ACACB: variants seen among roughly 807,000 people sequenced by gnomAD.
ACACB encodes acetyl-CoA carboxylase 2.
In ACACB, 209 loss-of-function variants were observed where a neutral mutation model predicts 278.8. The observed-to-expected ratio is 0.75, with a 90% CI of 0.67 to 0.84. The LOEUF is 0.84. Ranked by LOEUF, ACACB falls within the 40% of genes least tolerant of loss-of-function variation. The pLI is 0.00. For missense variants in ACACB, 2,850 were observed against 3,269.0 expected, an observed-to-expected ratio of 0.87 and a Z score of 3.13; for synonymous variants, 1,174 against 1,285.6, an observed-to-expected ratio of 0.91 and a Z score of 1.86.
chr12:109,138,265 G>A (rs980119027), intron 1 of ACACB, among the ~76,000 whole-genome samples: 10 of 152,152 alleles, frequency 6.6e-5, no homozygotes, highest in Non-Finnish European at 5.9e-5. Flanking sequence ...GGCAGAGTTA[G>A]GGTGATAGAA....
chr12:109,150,539 C>A (rs2043344848), intron 2 of ACACB, among the ~76,000 whole-genome samples: 1 of 152,206 alleles, frequency 6.6e-6, no homozygotes, highest in African/African-American at 2.4e-5. Context: ...GAGGTAAGAA[C>A]AGTTTAGCAA....
chr12:109,219,931 T>C (rs2046112451), intron 24 of ACACB, among the ~76,000 whole-genome samples: 1 of 152,188 alleles, frequency 6.6e-6, no homozygotes, highest in African/African-American at 2.4e-5. Context: ...AATAATATAA[T>C]GTTTTTCAAA....
intron 11 of ACACB, 149 bp from the exon 12 acceptor site, chr12:109,185,430 C>A: frequency 1.2e-6 from 1 of 806,092 alleles, no homozygotes; most frequent in Non-Finnish European, 1.9e-6. Context: ...GCTCTCTGGC[C>A]ACAGTAGAGC....
rs768386735 is a variant in ACACB at position 109,206,812 on chromosome 12, G to A, written c.3016G>A (p.Val1006Ile). 4.6e-5 allele frequency: 75 copies of A among 1,613,972 alleles called. No homozygotes were observed. Among genetic ancestry groups the A allele is most frequent in the Non-Finnish European group, 5.7e-5 (67 of 1,180,022 alleles). Residue 1006 changes from valine (V) to isoleucine (I), a missense_variant, in exon 20 of 53, where the codon GTC becomes ATC. Coordinates refer to ENST00000338432, the MANE Select transcript of ACACB (RefSeq NM_001093.4). ...CAGCGTCCTGGAAAACCTCACCAACGTCATGAGTGGCTTTTGTCTGCCAGA... is the reference window on the plus strand; with the variant it reads ...CAGCGTCCTGGAAAACCTCACCAACATCATGAGTGGCTTTTGTCTGCCAGA... ...FHSVLENLTN[V>I]MSGFCLPEPV... is the part of the protein sequence containing the mutation.
chr12:109,157,281 A>ATTATTATTATTATTG (rs2043573828), intron 2 of ACACB, among the ~76,000 whole-genome samples: 1 of 149,288 alleles, frequency 6.7e-6, no homozygotes, highest in Non-Finnish European at 1.5e-5. Flanking sequence ...TGTTATTATT[A>ATTATTATTATTATTG]TTATTATTAT....
At chr12:109,182,968 A>G (rs184077081) in intron 11 of ACACB, among the ~76,000 whole-genome samples, 5 of 152,302 alleles carry the variant, frequency 3.3e-5, no homozygotes, top group Admixed American at 6.5e-5. Context: ...TTTTGATTTG[A>G]AGAATTTGAT....
chr12:109,253,042 A>C lies in ACACB; in HGVS notation c.5929A>C (p.Asn1977His), dbSNP rs761735425. 40 of 1,612,394 alleles carry C rather than the reference A, an allele frequency of 2.5e-5. No individual in the cohort carries two copies. The highest frequency in any genetic ancestry group is 1.6e-4 in the Middle Eastern group (1 of 6,076). ...KVLGREVYTS[N>H]NQLGGVQIMH... ...CCTGGGAAGAGAGGTCTACACATCCAACAACCAGCTGGGTGGCGTTCAGAT... is the reference window on the plus strand; with the variant it reads ...CCTGGGAAGAGAGGTCTACACATCCCACAACCAGCTGGGTGGCGTTCAGAT... The change falls in exon 43 of 53, where the codon AAC (asparagine) becomes CAC (histidine). Residue 1977 changes from asparagine (N) to histidine (H), a missense_variant. By Grantham distance (68) the Asn-to-His change is moderately conservative (BLOSUM62 1). This residue lies in a region of ACACB where 579 missense variants were observed against 684.6 expected (regional missense o/e 0.85). Transcript: ENST00000338432.
intron 11 of ACACB, 70 bp from the exon 12 acceptor site, chr12:109,185,509 C>G (rs2136245733): frequency 6.4e-7 from 1 of 1,554,980 alleles, no homozygotes; most frequent in Non-Finnish European, 8.8e-7. Flanking sequence ...GCATCTACCA[C>G]TGTGCCTGGT....
chr12:109,124,646 TCTA>T (rs2042633623), intron 1 of ACACB, among the ~76,000 whole-genome samples: 1 of 152,232 alleles, frequency 6.6e-6, no homozygotes, highest in Non-Finnish European at 1.5e-5. Flanking sequence ...ATAGTGATTT[TCTA>T]CTTCCGTCAA....
At chr12:109,263,023 G>C (rs1294066993) in intron 49 of ACACB, 1 of 133,554 alleles carries the variant, frequency 7.5e-6, no homozygotes, top group Non-Finnish European at 1.6e-5. Context: ...ACAAAAGATA[G>C]CAATTGAAGT....
At chr12:109,112,969 G>C (rs1394564648), upstream of ACACB, 1 of 152,194 alleles carries the variant, frequency 6.6e-6, no homozygotes, top group Non-Finnish European at 1.5e-5. Flanking sequence ...ACAGGAACGG[G>C]CGAGGCTGTG....
rs763290011 is a variant in ACACB, at chr12:109,239,915, C to A, written c.4748C>A (p.Thr1583Asn). 1.4e-5 allele frequency: 23 copies of A among 1,614,104 alleles called. No homozygotes were observed. The highest frequency in any genetic ancestry group is 1.8e-5 in the Non-Finnish European group (21 of 1,180,044). ...GAGCTGGAGGTGGCGTTCAATAACA[C>A]CAGCGTGCGCACCGACTGCAACCAC... Reference protein sequence around the residue: ...MDELEVAFNNTSVRTDCNHIF... With the variant: ...MDELEVAFNNNSVRTDCNHIF... The change falls in exon 35 of 53, where the codon ACC becomes AAC. Residue 1583 changes from threonine (T) to asparagine (N), a missense_variant. Around this residue, in one of 3 missense-constraint regions of ACACB, gnomAD observed 2,265 missense variants for 2,561.3 expected, o/e 0.88. Coordinates refer to ENST00000338432, the MANE Select transcript of ACACB (RefSeq NM_001093.4).
intron 1 of ACACB, among the ~76,000 whole-genome samples, chr12:109,125,977 A>G (rs553746736): frequency 1.3e-5 from 2 of 152,310 alleles, no homozygotes; most frequent in African/African-American, 2.4e-5. Flanking sequence ...CAGTGAGATC[A>G]TAAACCCACG....
chr12:109,134,529 G>A (rs907130727), intron 1 of ACACB, among the ~76,000 whole-genome samples: 4 of 152,068 alleles, frequency 2.6e-5, no homozygotes, highest in African/African-American at 4.8e-5. Context: ...TTTTCCTGAG[G>A]GCATGTGTGA....
At chr12:109,140,312 TTCCTTCCTTCCTTCCTTCC>T (rs1250582390) in intron 2 of ACACB, among the ~76,000 whole-genome samples, 2 of 143,388 alleles carry the variant, frequency 1.4e-5, no homozygotes, top group Non-Finnish European at 3.1e-5. Flanking sequence ...CCTTCCTTCC[TTCCTTCCTTCCTTCCTTCC>T]TTCCTTCCTT....
chr12:109,227,593 T>C, intron 28 of ACACB, 104 bp downstream of exon 28: 1 of 1,063,738 alleles, frequency 9.4e-7, no homozygotes, highest in Non-Finnish European at 1.4e-6. Flanking sequence ...GGCACGCTGC[T>C]GGGGAGACAT....
At chr12:109,208,688 T>C (rs2045593315) in intron 20 of ACACB, among the ~76,000 whole-genome samples, 1 of 152,210 alleles carries the variant, frequency 6.6e-6, no homozygotes, top group South Asian at 2.1e-4. Flanking sequence ...AGGAGCTGAA[T>C]AGCCTGGGTT....
chr12:109,241,410 G>T (rs2046796184), intron 36 of ACACB, 129 bp downstream of exon 36: 9 of 922,340 alleles, frequency 9.8e-6, no homozygotes, highest in Middle Eastern at 6.2e-4. Flanking sequence ...CTGGGTTGGG[G>T]TAGCCCCCTC....
At chr12:109,230,411 A>G (rs1227519648) in intron 28 of ACACB, among the ~76,000 whole-genome samples, 1 of 151,190 alleles carries the variant, frequency 6.6e-6, no homozygotes, top group Non-Finnish European at 1.5e-5. Context: ...CCTGAGAAGG[A>G]CTCTTTTGAT....
Sources: gnomAD v4.1 joint callset for allele counts (sites outside exome capture counted in the v4.1 genomes callset) on GRCh38, gnomAD v4.1.1 for gene constraint, gnomAD v4.1.1 regional missense constraint, MANE v1.5 for transcripts, NCBI Gene and HGNC (gene_info 2026-07-23, HGNC 2026-07-21) for gene names.